RTL10: variants seen among roughly 807,000 people sequenced by gnomAD.
RTL10 encodes the protein retrotransposon Gag like 10, also known as protein Bop.
For synonymous variants in RTL10, 199 were observed against 188.4 expected (o/e 1.06, Z -0.46); for missense variants, 477 against 470.7 (o/e 1.01, Z -0.12).
rs1938082774 is a variant in RTL10 at position 19,851,095 on chromosome 22, G to A, written c.*72C>T. On this transcript the variant is annotated 3_prime_UTR_variant, in exon 3 of 3. Coordinates refer to ENST00000328554, the MANE Select transcript of RTL10 (RefSeq NM_024627.6). ...GGGGACACCACTCTGCTCTGACTGG[G>A]GACTATGGGGCGCTCAAGCCACACA... 6 of 1,493,646 alleles carry A rather than the reference G, an allele frequency of 4.0e-6. No individual in the cohort carries two copies. In the African/African-American group the frequency reaches 4.2e-5, roughly 10 times the overall value. The allele number at this position is 1,493,646 out of a possible 1,614,324, so 92.5% of individuals were successfully genotyped here. A position where few individuals can be genotyped will look rare whatever the true frequency, so the allele number is the denominator to read the frequency against.
In RTL10 at chr22:19,851,950, T is replaced by G. The variant is rs1460389339; in HGVS notation, c.312A>C (p.Pro104=). ...GCCACGGGGAGCCATCAAAGGTGCCTGGGTCTGAGCCTGGTACCCAGCAGA... is the reference window on the plus strand; with the variant it reads ...GCCACGGGGAGCCATCAAAGGTGCCGGGGTCTGAGCCTGGTACCCAGCAGA... ...VDFCWVPGSD[P]GTFDGSPWLL... is the part of the protein sequence containing the mutation. Residue 104 remains proline, a synonymous_variant, in exon 3 of 3, where the codon CCA becomes CCC. Transcript: ENST00000328554. The G allele has an allele frequency of 4.3e-6, 7 of 1,614,116 alleles. No individual in the cohort carries two copies. The East Asian group carries it at 1.3e-4, about 31-fold the overall frequency.
Position 19,849,955 on chromosome 22 carries a change from T to C in RTL10, c.*1212A>G, listed in dbSNP as rs1474452625. The C allele has an allele frequency of 2.0e-6, 2 of 985,326 alleles. No individual in the cohort carries two copies. The highest frequency in any genetic ancestry group is 3.5e-5 in the African/African-American group (2 of 57,200). The allele number at this position is 985,326 out of a possible 1,614,324, so 61.0% of individuals were successfully genotyped here. A position where few individuals can be genotyped will look rare whatever the true frequency, so the allele number is the denominator to read the frequency against. On this transcript the variant is annotated 3_prime_UTR_variant, in exon 3 of 3. Coordinates refer to ENST00000328554, the MANE Select transcript of RTL10 (RefSeq NM_024627.6). ...AAAACCCCTCCTTGTGTGGAACAGG[T>C]CTTTCTTCATTCCATTCCTCTGGGC...
In RTL10 at chr22:19,852,392, G is replaced by T. The variant is rs1938129936; in HGVS notation, c.-131C>A. ...GCGTGGCAGACCCGCACTGGTCCAG[G>T]CAAGTGCTGAGGATCAGGGAGCTGA... On this transcript the variant is annotated 5_prime_UTR_variant, in exon 3 of 3. Transcript: ENST00000328554. 1 of 969,410 alleles carries T rather than the reference G, an allele frequency of 1.0e-6. No homozygotes were observed. Among genetic ancestry groups the T allele is most frequent in the Non-Finnish European group, 1.5e-6 (1 of 647,850 alleles). 60.1% of individuals were successfully genotyped at this position (969,410 alleles called of 1,614,324 possible). A position where few individuals can be genotyped will look rare whatever the true frequency, so the allele number is the denominator to read the frequency against.
Position 19,854,556 on chromosome 22 carries a change from G to T in RTL10, c.-322-17C>A, listed in dbSNP as rs1366245225. 1 of 152,770 alleles carries T rather than the reference G, an allele frequency of 6.5e-6. No homozygotes were observed. Among genetic ancestry groups the T allele is most frequent in the Non-Finnish European group, 1.5e-5 (1 of 68,178 alleles). The allele number at this position is 152,770 out of a possible 1,614,324, so 9.5% of individuals were successfully genotyped here. A position where few individuals can be genotyped will look rare whatever the true frequency, so the allele number is the denominator to read the frequency against. ...AGGCGCCACCTAGAAAGTGGAGAAC[G>T]AGATCGGCCGCCGTGAGGCCAGGCA... On this transcript the variant is annotated splice_polypyrimidine_tract_variant and intron_variant, in intron 1 of 2. Transcript: ENST00000328554.
rs539078876 is a variant in RTL10 at position 19,846,790 on chromosome 22, G to C, written c.*4377C>G. 4.3e-5 allele frequency: 20 copies of C among 460,794 alleles called. No individual in the cohort carries two copies. The highest frequency in any genetic ancestry group is 2.5e-4 in the African/African-American group (12 of 47,344). 28.5% of individuals were successfully genotyped at this position (460,794 alleles called of 1,614,324 possible). On this transcript the variant is annotated 3_prime_UTR_variant, in exon 3 of 3. Coordinates refer to ENST00000328554, the MANE Select transcript of RTL10 (RefSeq NM_024627.6). ...TGGCTATCTGCAGGCCAAGGAGCGA[G>C]GCCTCAGGAGAAACCAACCCTGCCC... is the stretch of plus-strand genomic sequence containing the variant.
Position 19,847,498 on chromosome 22 carries a change from T to C in RTL10, c.*3669A>G. 1.0e-6 allele frequency: 1 copy of C among 985,364 alleles called. No individual in the cohort carries two copies. The highest frequency in any genetic ancestry group is 1.2e-6 in the Non-Finnish European group (1 of 829,958). The allele number at this position is 985,364 out of a possible 1,614,324, so 61.0% of individuals were successfully genotyped here. On this transcript the variant is annotated 3_prime_UTR_variant, in exon 3 of 3. Coordinates refer to ENST00000328554, the MANE Select transcript of RTL10 (RefSeq NM_024627.6). ...TCATTCAACCCTTCTAACCACCCCA[T>C]GAGGAAAAACTCTGGTCACAGCTCA...
In RTL10 at chr22:19,847,197, G is replaced by A; in HGVS notation, c.*3970C>T. The A allele has an allele frequency of 1.0e-6, 1 of 985,490 alleles. No individual in the cohort carries two copies. 61.0% of individuals were successfully genotyped at this position (985,490 alleles called of 1,614,324 possible). ...AATATGTCCAGGTAGGCTGTCGTCA[G>A]CACAGGTCTGACAGGCCCCAGCCAC... On this transcript the variant is annotated 3_prime_UTR_variant, in exon 3 of 3. Transcript: ENST00000328554.
At position 19,850,027 on chromosome 22, in the gene RTL10, AC is replaced by A. The variant is rs1938056816; in HGVS notation, c.*1139del. The A allele has an allele frequency of 2.0e-6, 2 of 985,398 alleles. No individual in the cohort carries two copies. Among genetic ancestry groups the A allele is most frequent in the Non-Finnish European group, 2.4e-6 (2 of 830,238 alleles). The allele number at this position is 985,398 out of a possible 1,614,324, so 61.0% of individuals were successfully genotyped here. A position where few individuals can be genotyped will look rare whatever the true frequency, so the allele number is the denominator to read the frequency against. On this transcript the variant is annotated 3_prime_UTR_variant, in exon 3 of 3. Transcript: ENST00000328554. ...CTGCTGCCTGGTCCTCACTTCACCT[AC>A]AGCTCTCGGAAGTCAGTTCTCTACC...
chr22:19,849,112 T>C lies in RTL10; in HGVS notation c.*2055A>G. 1 of 985,390 alleles carries C rather than the reference T, an allele frequency of 1.0e-6. No homozygotes were observed. Among genetic ancestry groups the C allele is most frequent in the Non-Finnish European group, 1.2e-6 (1 of 829,920 alleles). The allele number at this position is 985,390 out of a possible 1,614,324, so 61.0% of individuals were successfully genotyped here. A position where few individuals can be genotyped will look rare whatever the true frequency, so the allele number is the denominator to read the frequency against. On this transcript the variant is annotated 3_prime_UTR_variant, in exon 3 of 3. Transcript: ENST00000328554. Reference sequence around the variant, plus strand: ...GGCTGGGCCAGGACATCCAGGGACTTCTCACATCTGACCAGAATCAAGACT... The same window carrying C: ...GGCTGGGCCAGGACATCCAGGGACTCCTCACATCTGACCAGAATCAAGACT...
Position 19,849,009 on chromosome 22 carries a change from C to T in RTL10, c.*2158G>A. 1 of 985,564 alleles carries T rather than the reference C, an allele frequency of 1.0e-6. No individual in the cohort carries two copies. The highest frequency in any genetic ancestry group is 1.2e-6 in the Non-Finnish European group (1 of 830,036). The allele number at this position is 985,564 out of a possible 1,614,324, so 61.1% of individuals were successfully genotyped here. On this transcript the variant is annotated 3_prime_UTR_variant, in exon 3 of 3. Coordinates refer to ENST00000328554, the MANE Select transcript of RTL10 (RefSeq NM_024627.6). ...CTGGAGGTAGGCATCAGGGAGCAGT[C>T]TGACCCAACCCACAAAAGGGGGGAT...
At position 19,849,274 on chromosome 22, in the gene RTL10, C is replaced by T. The variant is rs1938036399; in HGVS notation, c.*1893G>A. ...TATCTGTGCCCTGAAATAACTCACA[C>T]ATAAAACCATCTGAACCCAGAGCCT... On this transcript the variant is annotated 3_prime_UTR_variant, in exon 3 of 3. Coordinates refer to ENST00000328554, the MANE Select transcript of RTL10 (RefSeq NM_024627.6). The T allele has an allele frequency of 1.0e-6, 1 of 983,802 alleles. No homozygotes were observed. Among genetic ancestry groups the T allele is most frequent in the Non-Finnish European group, 1.2e-6 (1 of 828,450 alleles). 60.9% of individuals were successfully genotyped at this position (983,802 alleles called of 1,614,324 possible).
Position 19,852,501 on chromosome 22 carries a change from G to C in RTL10, c.-225-15C>G, listed in dbSNP as rs539099171. On this transcript the variant is annotated splice_polypyrimidine_tract_variant and intron_variant, in intron 2 of 2. Coordinates refer to ENST00000328554, the MANE Select transcript of RTL10 (RefSeq NM_024627.6). ...TCCGAGGCAATCTGTCCAAAGACAAGGTGGGGAAGAGCAGGAACTAGGCCT... is the reference window on the plus strand; with the variant it reads ...TCCGAGGCAATCTGTCCAAAGACAACGTGGGGAAGAGCAGGAACTAGGCCT... The C allele has an allele frequency of 1.7e-4, 94 of 540,606 alleles. No homozygotes were observed. In the South Asian group the frequency reaches 2.5e-3, roughly 14 times the overall value. 33.5% of individuals were successfully genotyped at this position (540,606 alleles called of 1,614,324 possible).
In RTL10 at chr22:19,848,069, T is replaced by C. The variant is rs1938008326; in HGVS notation, c.*3098A>G. On this transcript the variant is annotated 3_prime_UTR_variant, in exon 3 of 3. Transcript: ENST00000328554. ...CTCTGCTCATCTGTCCACATCTAAGTGCTTTAACTATTGTGGCTTTATAAA... is the reference window on the plus strand; with the variant it reads ...CTCTGCTCATCTGTCCACATCTAAGCGCTTTAACTATTGTGGCTTTATAAA... 1 of 985,382 alleles carries C rather than the reference T, an allele frequency of 1.0e-6. No homozygotes were observed. Among genetic ancestry groups the C allele is most frequent in the Admixed American group, 6.1e-5 (1 of 16,292 alleles). The allele number at this position is 985,382 out of a possible 1,614,324, so 61.0% of individuals were successfully genotyped here. A position where few individuals can be genotyped will look rare whatever the true frequency, so the allele number is the denominator to read the frequency against.
rs138140294 is a variant in RTL10, at chr22:19,851,713, G to A, written c.549C>T (p.Asn183=). 9.5e-5 allele frequency: 152 copies of A among 1,603,344 alleles called. No homozygotes were observed. The highest frequency in any genetic ancestry group is 2.2e-4 in the Admixed American group (13 of 59,358). The change falls in exon 3 of 3, where the codon AAC becomes AAT. Residue 183 remains asparagine, a synonymous_variant. Coordinates refer to ENST00000328554, the MANE Select transcript of RTL10 (RefSeq NM_024627.6). ...CCACAGCATGGTACTCAGCAAAACTGTTCGGGTCTTGAACAACTTCCTTGA... is the reference window on the plus strand; with the variant it reads ...CCACAGCATGGTACTCAGCAAAACTATTCGGGTCTTGAACAACTTCCTTGA... ...QDLKEVVQDP[N]SFAEYHAVVT...
Position 19,847,971 on chromosome 22 carries a change from C to T in RTL10, c.*3196G>A. 2.0e-6 allele frequency: 2 copies of T among 985,286 alleles called. No homozygotes were observed. The highest frequency in any genetic ancestry group is 2.4e-6 in the Non-Finnish European group (2 of 829,848). 61.0% of individuals were successfully genotyped at this position (985,286 alleles called of 1,614,324 possible). ...TGCTTTTACTGAATAATCCATTTTACTCGTTAATTGGAAACACCTCTAGCC... is the reference window on the plus strand; with the variant it reads ...TGCTTTTACTGAATAATCCATTTTATTCGTTAATTGGAAACACCTCTAGCC... On this transcript the variant is annotated 3_prime_UTR_variant, in exon 3 of 3. Transcript: ENST00000328554.
At position 19,847,010 on chromosome 22, in the gene RTL10, C is replaced by T; in HGVS notation, c.*4157G>A. Reference sequence around the variant, plus strand: ...CCACGCTGGGTGGCTGCTTGTACTTCTCCATACTGAGCACCCCAGCCCATA... The same window carrying T: ...CCACGCTGGGTGGCTGCTTGTACTTTTCCATACTGAGCACCCCAGCCCATA... On this transcript the variant is annotated 3_prime_UTR_variant, in exon 3 of 3. Coordinates refer to ENST00000328554, the MANE Select transcript of RTL10 (RefSeq NM_024627.6). 1.0e-6 allele frequency: 1 copy of T among 985,502 alleles called. No individual in the cohort carries two copies. The highest frequency in any genetic ancestry group is 1.2e-6 in the Non-Finnish European group (1 of 829,970). 61.0% of individuals were successfully genotyped at this position (985,502 alleles called of 1,614,324 possible). A position where few individuals can be genotyped will look rare whatever the true frequency, so the allele number is the denominator to read the frequency against.
rs1938026047 is a variant in RTL10 at position 19,848,816 on chromosome 22, C to T, written c.*2351G>A. 4.1e-6 allele frequency: 4 copies of T among 985,388 alleles called. No individual in the cohort carries two copies. In the South Asian group the frequency reaches 1.9e-4, roughly 46 times the overall value. The allele number at this position is 985,388 out of a possible 1,614,324, so 61.0% of individuals were successfully genotyped here. On this transcript the variant is annotated 3_prime_UTR_variant, in exon 3 of 3. Transcript: ENST00000328554. ...AGGGTTCAAAAGAGAAGGCAGCAATCCCAGGCTGGAGTATCCACTTCAGGT... is the reference window on the plus strand; with the variant it reads ...AGGGTTCAAAAGAGAAGGCAGCAATTCCAGGCTGGAGTATCCACTTCAGGT...
In RTL10 at chr22:19,847,269, C is replaced by T. The variant is rs552623304; in HGVS notation, c.*3898G>A. ...AGAAATAAGCAGTGCCAACTGTAGC[C>T]GCTGCGCTGTTGGAGATCTTTGTTA... is the stretch of plus-strand genomic sequence containing the variant. On this transcript the variant is annotated 3_prime_UTR_variant, in exon 3 of 3. Coordinates refer to ENST00000328554, the MANE Select transcript of RTL10 (RefSeq NM_024627.6). The T allele has an allele frequency of 3.6e-5, 35 of 984,936 alleles. No homozygotes were observed. The highest frequency in any genetic ancestry group is 2.3e-4 in the East Asian group (2 of 8,818). 61.0% of individuals were successfully genotyped at this position (984,936 alleles called of 1,614,324 possible).
chr22:19,854,193 A>G (rs1938180083), intron 2 of RTL10, among the ~76,000 whole-genome samples: 1 of 152,152 alleles, frequency 6.6e-6, no homozygotes, highest in African/African-American at 2.4e-5. Flanking sequence ...CGGCCCTTCT[A>G]GACTGGACAG....
Sources: gnomAD v4.1 joint callset for allele counts (sites outside exome capture counted in the v4.1 genomes callset) on GRCh38, gnomAD v4.1.1 for gene constraint, MANE v1.5 for transcripts, NCBI Gene and HGNC (gene_info 2026-07-23, HGNC 2026-07-21) for gene names.